The following PLCL1 variants were observed in gnomAD, a reference collection of about 807,000 sequenced individuals.
PLCL1 encodes phospholipase C like 1 (inactive), also known as inactive phospholipase C-like protein 1.
A neutral mutation model predicts 84.4 loss-of-function variants in PLCL1; 41 were observed. That is an observed-to-expected ratio of 0.49 (90% confidence interval 0.38 to 0.63). PLCL1 has a LOEUF of 0.63. Among genes scored for constraint, PLCL1 ranks in the 30% least tolerant of loss-of-function variants. PLCL1 has a pLI of 0.00. For synonymous variants in PLCL1, 490 were observed against 488.3 expected, an observed-to-expected ratio of 1.00 and a Z score of -0.05; for missense variants, 1,206 against 1,367.8, an observed-to-expected ratio of 0.88 and a Z score of 1.87.
intron 1 of PLCL1, among the ~76,000 whole-genome samples, chr2:197,990,441 A>C (rs1190724761): frequency 6.6e-6 from 1 of 152,228 alleles, no homozygotes; most frequent in African/African-American, 2.4e-5. Context: ...GGTATGTATT[A>C]GTCCATTTTC....
intron 1 of PLCL1, among the ~76,000 whole-genome samples, chr2:197,930,970 TC>T (rs1404323263): frequency 1.3e-5 from 2 of 152,134 alleles, no homozygotes; most frequent in Admixed American, 1.3e-4. Flanking sequence ...CTATTCTACA[TC>T]AGTGCTGAAT....
rs1694569195 is a variant in PLCL1 at position 198,148,079 on chromosome 2, T to A, written c.*1117T>A. The A allele has an allele frequency of 6.6e-6, 1 of 152,314 alleles. No homozygotes were observed. The highest frequency in any genetic ancestry group is 1.5e-5 in the Non-Finnish European group (1 of 68,012). 9.4% of individuals were successfully genotyped at this position (152,314 alleles called of 1,614,324 possible). On this transcript the variant is annotated 3_prime_UTR_variant, in exon 6 of 6. Transcript: ENST00000428675. ...AAGCATACATGCAAAAAGAAATGAC[T>A]AATTAGGGTACATTTATAATTGCAT... is the stretch of plus-strand genomic sequence containing the variant.
At chr2:197,946,991 C>T (rs1296326077) in intron 1 of PLCL1, among the ~76,000 whole-genome samples, 1 of 151,954 alleles carries the variant, frequency 6.6e-6, no homozygotes, top group Non-Finnish European at 1.5e-5. Context: ...CTTAGGGCTT[C>T]TGGAGGAGAA....
intron 5 of PLCL1, among the ~76,000 whole-genome samples, chr2:198,138,882 G>A (rs530513144): frequency 9.9e-5 from 15 of 152,152 alleles, no homozygotes; most frequent in East Asian, 1.9e-4. Context: ...TTTGCTGGGC[G>A]TGGTGGCTCA....
At chr2:197,946,207 G>A (rs886586391) in intron 1 of PLCL1, among the ~76,000 whole-genome samples, 11 of 152,078 alleles carry the variant, frequency 7.2e-5, no homozygotes, top group Non-Finnish European at 1.5e-4. Flanking sequence ...GAGTAGAAGA[G>A]GCTTTTCTAT....
At chr2:197,962,955 T>C (rs1689653390) in intron 1 of PLCL1, among the ~76,000 whole-genome samples, 1 of 152,116 alleles carries the variant, frequency 6.6e-6, no homozygotes, top group African/African-American at 2.4e-5. Flanking sequence ...ATGCACCACA[T>C]TTTCTTTATC....
intron 1 of PLCL1, among the ~76,000 whole-genome samples, chr2:198,035,479 T>A (rs1265658992): frequency 2.6e-5 from 4 of 152,168 alleles, no homozygotes; most frequent in Non-Finnish European, 5.9e-5. Flanking sequence ...TTTTTTGTTT[T>A]TGTTTGTTTG....
At chr2:198,068,134 C>T (rs1001948914) in intron 1 of PLCL1, among the ~76,000 whole-genome samples, 5 of 152,040 alleles carry the variant, frequency 3.3e-5, no homozygotes, top group Admixed American at 3.3e-4. Flanking sequence ...AGCTCAGTCC[C>T]TAAGCTATTT....
intron 1 of PLCL1, among the ~76,000 whole-genome samples, chr2:198,078,016 TCTACCTAATA>T (rs1265475927): frequency 6.6e-6 from 1 of 152,206 alleles, no homozygotes; most frequent in African/African-American, 2.4e-5. Flanking sequence ...ACCTTCCTAA[TCTACCTAATA>T]CCTTCATCCT....
intron 1 of PLCL1, among the ~76,000 whole-genome samples, chr2:197,857,550 G>A (rs1687353811): frequency 6.6e-6 from 1 of 152,126 alleles, no homozygotes; most frequent in Non-Finnish European, 1.5e-5. Flanking sequence ...GGAATTCCTT[G>A]CAAACAAGCA....
chr2:197,873,529 C>G (rs1419029379), intron 1 of PLCL1, among the ~76,000 whole-genome samples: 1 of 152,106 alleles, frequency 6.6e-6, no homozygotes, highest in African/African-American at 2.4e-5. Flanking sequence ...AGCATGCTGG[C>G]TTTGCTACCC....
chr2:197,996,328 G>A (rs1242569139), intron 1 of PLCL1, among the ~76,000 whole-genome samples: 1 of 152,100 alleles, frequency 6.6e-6, no homozygotes, highest in African/African-American at 2.4e-5. Context: ...CATTTTTAGG[G>A]TAGTGAAACT....
chr2:197,905,214 T>C (rs1171923572), intron 1 of PLCL1, among the ~76,000 whole-genome samples: 1 of 152,184 alleles, frequency 6.6e-6, no homozygotes, highest in East Asian at 1.9e-4. Context: ...CCCACATGCA[T>C]TAGGTATTTC....
At position 198,085,675 on chromosome 2, in the gene PLCL1, C is replaced by T. The variant is rs752227939; in HGVS notation, c.2158C>T (p.Pro720Ser). 6.2e-7 allele frequency: 1 copy of T among 1,614,104 alleles called. No individual in the cohort carries two copies. Among genetic ancestry groups the T allele is most frequent in the Non-Finnish European group, 8.5e-7 (1 of 1,179,988 alleles). ...NTKGILPGVS[P>S]LALHIKIISG... ...AAAGGGCATTCTACCTGGGGTGTCT[C>T]CTCTAGCTCTTCATATCAAGATCAT... Residue 720 changes from proline (P) to serine (S), a missense_variant, in exon 2 of 6, where the codon CCT (proline) becomes TCT (serine). By Grantham distance (74) the Pro-to-Ser change is moderately conservative. Coordinates refer to ENST00000428675, the MANE Select transcript of PLCL1 (RefSeq NM_006226.4). The surrounding 1 kb of genome is among the most constrained non-coding windows in gnomAD (Gnocchi z 5.3).
At chr2:197,994,520 T>C (rs1301461808) in intron 1 of PLCL1, among the ~76,000 whole-genome samples, 2 of 152,252 alleles carry the variant, frequency 1.3e-5, no homozygotes, top group Non-Finnish European at 2.9e-5. Flanking sequence ...GGATATAAGA[T>C]ATGCTTTCTT....
At chr2:198,003,311 T>C (rs989004511) in intron 1 of PLCL1, among the ~76,000 whole-genome samples, 2 of 152,202 alleles carry the variant, frequency 1.3e-5, no homozygotes, top group African/African-American at 4.8e-5. Flanking sequence ...TTGGTTGAAC[T>C]AGTGCTAGGC....
At chr2:197,907,579 G>T (rs1486074971) in intron 1 of PLCL1, among the ~76,000 whole-genome samples, 5 of 152,186 alleles carry the variant, frequency 3.3e-5, no homozygotes, top group African/African-American at 1.2e-4. Context: ...GGAAGTAATT[G>T]GTTGCTGGGT....
chr2:198,050,782 C>T (rs1277301545), intron 1 of PLCL1, among the ~76,000 whole-genome samples: 2 of 152,174 alleles, frequency 1.3e-5, no homozygotes, highest in Non-Finnish European at 2.9e-5. Context: ...CATGATTGTT[C>T]TCTCCTTTGC....
intron 1 of PLCL1, among the ~76,000 whole-genome samples, chr2:197,899,089 A>G (rs1295428427): frequency 6.6e-6 from 1 of 152,176 alleles, no homozygotes; most frequent in African/African-American, 2.4e-5. Flanking sequence ...ACTGTTTTCC[A>G]GACACTGGGA....
Sources: allele counts gnomAD v4.1 joint callset (sites outside exome capture counted in the v4.1 genomes callset), GRCh38; gene constraint gnomAD v4.1.1; non-coding constraint Gnocchi (gnomAD v3.1); transcripts MANE v1.5; gene names NCBI Gene and HGNC (gene_info 2026-07-23, HGNC 2026-07-21).